The following RTN1 variants were observed in gnomAD, a reference collection of about 807,000 sequenced individuals.
RTN1 encodes the protein reticulon 1, also known as reticulon-1.
RTN1 carries 25 observed loss-of-function variants against 65.5 expected under a neutral mutation model. That is an observed-to-expected ratio of 0.38 (90% confidence interval 0.28 to 0.53). The LOEUF (loss-of-function observed/expected upper bound fraction) is 0.53, where lower values mean the gene tolerates loss of function less well. Among genes scored for constraint, RTN1 ranks in the 20% least tolerant of loss-of-function variants. RTN1 has a pLI of 0.79. For synonymous variants in RTN1, 471 were observed against 447.6 expected (o/e 1.05, Z -0.66); for missense variants, 983 against 1,025.4 (o/e 0.96, Z 0.57).
chr14:59,636,585 A>G (rs1882670580), intron 3 of RTN1, among the ~76,000 whole-genome samples: 1 of 152,196 alleles, frequency 6.6e-6, no homozygotes, highest in Admixed American at 6.5e-5. Flanking sequence ...AGGTTAATAG[A>G]GTATTATATA....
intron 3 of RTN1, among the ~76,000 whole-genome samples, chr14:59,658,960 C>A (rs1298145632): frequency 6.6e-6 from 1 of 151,978 alleles, no homozygotes; most frequent in African/African-American, 2.4e-5. Context: ...ATGTTCTAAC[C>A]CAATGCAAGG....
In RTN1 at chr14:59,870,648, C is replaced by T; in HGVS notation, c.-18G>A. On this transcript the variant is annotated 5_prime_UTR_variant, in exon 1 of 9. Coordinates refer to ENST00000267484, the MANE Select transcript of RTN1 (RefSeq NM_021136.3). This position sits in a 1 kb window ranked among gnomAD's most constrained non-coding sequence, Gnocchi z 5.1. ...GCGGCCATGGCTGGCGGTCCCCCGG[C>T]GCGGCGACGGCGGCTTGGCTGGGCA... 1 of 1,364,548 alleles carries T rather than the reference C, an allele frequency of 7.3e-7. No homozygotes were observed. Among genetic ancestry groups the T allele is most frequent in the South Asian group, 1.8e-5 (1 of 56,646 alleles). The allele number at this position is 1,364,548 out of a possible 1,614,324, so 84.5% of individuals were successfully genotyped here. A position where few individuals can be genotyped will look rare whatever the true frequency, so the allele number is the denominator to read the frequency against.
rs755099495 is a variant in RTN1, at chr14:59,727,557, G to A, written c.1127C>T (p.Pro376Leu). Residue 376 changes from proline to leucine, a missense_variant, in exon 3 of 9, where the codon CCG (proline) becomes CTG (leucine). Transcript: ENST00000267484. The surrounding 1 kb of genome is among the most constrained non-coding windows in gnomAD (Gnocchi z 4.2). ...GGGCCTGTCGGCCAGCTGGCCCACC[G>A]GCCGTGGGTTCTCGGCGGTTTCATA... ...LSYETAENPR[P>L]VGQLADRPEV... 1 of 1,611,368 alleles carries A rather than the reference G, an allele frequency of 6.2e-7. No individual in the cohort carries two copies. Among genetic ancestry groups the A allele is most frequent in the South Asian group, 1.1e-5 (1 of 90,490 alleles).
chr14:59,860,521 C>T (rs1383603071), intron 1 of RTN1, among the ~76,000 whole-genome samples: 1 of 152,244 alleles, frequency 6.6e-6, no homozygotes, highest in East Asian at 1.9e-4. Context: ...AGACTCCCTA[C>T]TGGTGTACCA....
At chr14:59,603,315 T>C in intron 6 of RTN1, 57 bp from the exon 7 acceptor site, 1 of 1,317,944 alleles carries the variant, frequency 7.6e-7, no homozygotes, top group Non-Finnish European at 1.1e-6. Flanking sequence ...AGAATACGCT[T>C]ATAGACACAT....
intron 3 of RTN1, among the ~76,000 whole-genome samples, chr14:59,634,606 A>G (rs890481229): frequency 6.6e-6 from 1 of 152,242 alleles, no homozygotes; most frequent in African/African-American, 2.4e-5. Context: ...AAATATTTAT[A>G]GAGCCCATAC....
At chr14:59,605,544 G>C in intron 4 of RTN1, 38 bp from the exon 5 acceptor site, 1 of 1,610,350 alleles carries the variant, frequency 6.2e-7, no homozygotes, top group Non-Finnish European at 8.5e-7. Flanking sequence ...TTCCGTCAGA[G>C]GGAATCATGA....
chr14:59,743,722 C>T (rs1359726908), intron 2 of RTN1, among the ~76,000 whole-genome samples: 1 of 113,668 alleles, frequency 8.8e-6, no homozygotes, highest in Non-Finnish European at 1.7e-5. Flanking sequence ...TTCCCTTCAC[C>T]TCTTTGTTTC....
At chr14:59,690,129 T>G (rs954402422) in intron 3 of RTN1, among the ~76,000 whole-genome samples, 1 of 151,950 alleles carries the variant, frequency 6.6e-6, no homozygotes, top group Non-Finnish European at 1.5e-5. Flanking sequence ...TAACCTAGAA[T>G]GCAAATGCCC....
At chr14:59,725,243 T>C (rs541938022) in intron 3 of RTN1, among the ~76,000 whole-genome samples, 1 of 152,212 alleles carries the variant, frequency 6.6e-6, no homozygotes, top group South Asian at 2.1e-4. Flanking sequence ...AAAGTTCCCT[T>C]TTCTCTTTAG....
chr14:59,636,973 T>C (rs1196661356), intron 3 of RTN1, among the ~76,000 whole-genome samples: 1 of 152,210 alleles, frequency 6.6e-6, no homozygotes, highest in African/African-American at 2.4e-5. Flanking sequence ...TTATTGAAGA[T>C]TGGAGTGGTT....
intron 1 of RTN1, among the ~76,000 whole-genome samples, chr14:59,817,420 T>C (rs1279518666): frequency 1.3e-5 from 2 of 152,134 alleles, no homozygotes; most frequent in Non-Finnish European, 1.5e-5. Context: ...AGCCCTATTG[T>C]CTCTTCCAAT....
intron 2 of RTN1, among the ~76,000 whole-genome samples, chr14:59,744,408 G>T (rs1417430477): frequency 6.6e-6 from 1 of 152,174 alleles, no homozygotes; most frequent in East Asian, 1.9e-4. Flanking sequence ...GGCACAGGGT[G>T]GGGTGAGGAG....
chr14:59,806,040 A>C (rs1419675997), intron 1 of RTN1, among the ~76,000 whole-genome samples: 1 of 151,930 alleles, frequency 6.6e-6, no homozygotes, highest in East Asian at 1.9e-4. Context: ...GATAGAGACC[A>C]TCCTGGCCAA....
At chr14:59,702,847 G>A (rs1884209180) in intron 3 of RTN1, among the ~76,000 whole-genome samples, 1 of 152,346 alleles carries the variant, frequency 6.6e-6, no homozygotes, top group South Asian at 2.1e-4. Context: ...CATGAGGCCT[G>A]TGGTCTGCCT....
chr14:59,802,412 G>A (rs1258219850), intron 1 of RTN1, among the ~76,000 whole-genome samples: 2 of 151,964 alleles, frequency 1.3e-5, no homozygotes, highest in African/African-American at 2.4e-5. Context: ...GACTTTCTTT[G>A]TATCATTAAA....
intron 1 of RTN1, among the ~76,000 whole-genome samples, chr14:59,831,288 C>T (rs1051646366): frequency 6.6e-6 from 1 of 152,218 alleles, no homozygotes. Flanking sequence ...GCAGATTGCC[C>T]TCCCTAATGT....
chr14:59,664,591 T>A (rs1266376916), intron 3 of RTN1, among the ~76,000 whole-genome samples: 2 of 152,196 alleles, frequency 1.3e-5, no homozygotes, highest in Non-Finnish European at 2.9e-5. Flanking sequence ...ACATAGAATA[T>A]TTAAACCTAT....
intron 3 of RTN1, among the ~76,000 whole-genome samples, chr14:59,661,433 G>A (rs1883245349): frequency 6.6e-6 from 1 of 151,958 alleles, no homozygotes; most frequent in Non-Finnish European, 1.5e-5. Flanking sequence ...ACAAAACCTG[G>A]CAGAGACACA....
Sources: gnomAD v4.1 joint callset for allele counts (sites outside exome capture counted in the v4.1 genomes callset) on GRCh38, gnomAD v4.1.1 for gene constraint, Gnocchi (gnomAD v3.1) non-coding constraint, MANE v1.5 for transcripts, NCBI Gene and HGNC (gene_info 2026-07-23, HGNC 2026-07-21) for gene names.